The following FBXO4 variants were observed in gnomAD, a reference collection of about 807,000 sequenced individuals.
FBXO4 encodes F-box only protein 4.
Under a neutral mutation model 43.7 loss-of-function variants are expected in FBXO4, and 36 were observed. That is an observed-to-expected ratio of 0.82 (90% CI 0.63 to 1.09). The LOEUF (loss-of-function observed/expected upper bound fraction) is 1.09, where lower values mean the gene tolerates loss of function less well. Among genes scored for constraint, FBXO4 ranks in the 50% least tolerant of loss-of-function variants. FBXO4 has a pLI of 0.00. For missense variants in FBXO4, 435 were observed against 474.1 expected, an observed-to-expected ratio of 0.92 and a Z score of 0.77; for synonymous variants, 180 against 165.6, an observed-to-expected ratio of 1.09 and a Z score of -0.67.
chr5:41,953,148 C>T, the FBXO4 span, among the ~76,000 whole-genome samples: 1 of 150,178 alleles, frequency 6.7e-6, no homozygotes, highest in African/African-American at 2.5e-5. Context: ...CCTCCCCCGT[C>T]CCCCCACCCC....
chr5:42,013,307 G>T, the FBXO4 span, among the ~76,000 whole-genome samples: 5 of 152,026 alleles, frequency 3.3e-5, no homozygotes, highest in Non-Finnish European at 5.9e-5. Flanking sequence ...GGAAAGAAAG[G>T]TTTCTATAGC....
the FBXO4 span, among the ~76,000 whole-genome samples, chr5:41,987,233 T>C: frequency 2.3e-4 from 35 of 152,286 alleles, no homozygotes; most frequent in East Asian, 4.6e-3. Context: ...TTAAGTAAAA[T>C]GGAAATAATA....
At chr5:42,016,067 C>T in the FBXO4 span, among the ~76,000 whole-genome samples, 1 of 151,916 alleles carries the variant, frequency 6.6e-6, no homozygotes, top group Non-Finnish European at 1.5e-5. Context: ...TTGGGAAGCA[C>T]AAAGAAAAGA....
the FBXO4 span, chr5:41,951,474 A>G: frequency 4.3e-6 from 1 of 233,082 alleles, no homozygotes; most frequent in Non-Finnish European, 8.4e-6. Flanking sequence ...GAAACCTCAC[A>G]CTAAGTAGCA....
At chr5:42,010,480 C>A in the FBXO4 span, among the ~76,000 whole-genome samples, 1 of 151,582 alleles carries the variant, frequency 6.6e-6, no homozygotes, top group Non-Finnish European at 1.5e-5. Flanking sequence ...TGGACTCCAG[C>A]CTGGGTGACA....
chr5:42,004,582 GT>G, the FBXO4 span, among the ~76,000 whole-genome samples: 1 of 152,114 alleles, frequency 6.6e-6, no homozygotes, highest in Non-Finnish European at 1.5e-5. Context: ...AAATTATTTG[GT>G]TTTGAAAAGT....
At chr5:41,958,767 T>C in the FBXO4 span, among the ~76,000 whole-genome samples, 1 of 152,222 alleles carries the variant, frequency 6.6e-6, no homozygotes, top group Non-Finnish European at 1.5e-5. Context: ...CCATTGTATA[T>C]ACACATAGAA....
chr5:42,018,557 G>T, the FBXO4 span, among the ~76,000 whole-genome samples: 16,720 of 152,092 alleles, frequency 0.11, 1,441 homozygotes, highest in African/African-American at 0.24. Context: ...ATTGTTTCAA[G>T]TTTCTGTTTT....
the FBXO4 span, among the ~76,000 whole-genome samples, chr5:41,974,181 T>G: frequency 6.6e-6 from 1 of 152,206 alleles, no homozygotes; most frequent in Admixed American, 6.5e-5. Flanking sequence ...GATGGTATCC[T>G]TGGTCTGGGG....
chr5:41,981,995 C>T, the FBXO4 span, among the ~76,000 whole-genome samples: 10 of 150,734 alleles, frequency 6.6e-5, no homozygotes, highest in African/African-American at 1.5e-4. Context: ...TGAGAACATG[C>T]GGTGTTTGGT....
chr5:41,933,580 T>A (rs532187853), intron 3 of FBXO4, among the ~76,000 whole-genome samples: 1 of 152,230 alleles, frequency 6.6e-6, no homozygotes, highest in East Asian at 1.9e-4. Context: ...AATGTATACA[T>A]TGATTATTAG....
chr5:41,952,005 C>T, the FBXO4 span: 4 of 299,078 alleles, frequency 1.3e-5, no homozygotes, highest in South Asian at 4.1e-5. Flanking sequence ...AGCAATGACA[C>T]GAGCTGCCAG....
At chr5:42,018,531 T>C in the FBXO4 span, among the ~76,000 whole-genome samples, 2 of 152,154 alleles carry the variant, frequency 1.3e-5, no homozygotes, top group Non-Finnish European at 2.9e-5. Context: ...TCTCAATAGA[T>C]GCCAAAAAAT....
chr5:42,026,296 T>C, the FBXO4 span, among the ~76,000 whole-genome samples: 1 of 151,904 alleles, frequency 6.6e-6, no homozygotes, highest in Admixed American at 6.6e-5. Flanking sequence ...CTTGTAGCTA[T>C]TGTAAATGAC....
chr5:42,020,153 T>G, the FBXO4 span, among the ~76,000 whole-genome samples: 1 of 152,102 alleles, frequency 6.6e-6, no homozygotes, highest in Non-Finnish European at 1.5e-5. Flanking sequence ...CAAGAAATAG[T>G]GCCCCCAATA....
chr5:41,996,186 C>T, the FBXO4 span, among the ~76,000 whole-genome samples: 5 of 152,162 alleles, frequency 3.3e-5, no homozygotes, highest in Non-Finnish European at 7.4e-5. Context: ...AGGACCTGCT[C>T]GAGCCTGATC....
the FBXO4 span, among the ~76,000 whole-genome samples, chr5:41,990,329 TCAGA>T: frequency 2.0e-5 from 3 of 152,234 alleles, no homozygotes; most frequent in African/African-American, 7.2e-5. Flanking sequence ...GGGCAATCTA[TCAGA>T]CATTCAGCCT....
chr5:42,018,557 G>A, the FBXO4 span, among the ~76,000 whole-genome samples: 2 of 151,992 alleles, frequency 1.3e-5, no homozygotes, highest in African/African-American at 4.8e-5. Flanking sequence ...ATTGTTTCAA[G>A]TTTCTGTTTT....
chr5:42,020,939 C>T, the FBXO4 span, among the ~76,000 whole-genome samples: 2 of 152,008 alleles, frequency 1.3e-5, no homozygotes, highest in African/African-American at 2.4e-5. Flanking sequence ...ATTAGCATTC[C>T]AGGCATGCTC....
Sources: gnomAD v4.1 joint callset for allele counts (sites outside exome capture counted in the v4.1 genomes callset) on GRCh38, gnomAD v4.1.1 for gene constraint, MANE v1.5 for transcripts, NCBI Gene and HGNC (gene_info 2026-07-23, HGNC 2026-07-21) for gene names.